RBFOX1: variants seen among roughly 807,000 people sequenced by gnomAD.
RBFOX1 encodes RNA binding protein fox-1 homolog 1.
RBFOX1 carries 8 observed loss-of-function variants against 57.7 expected under a neutral mutation model. That is an observed-to-expected ratio of 0.14 (90% confidence interval 0.08 to 0.25). The LOEUF (loss-of-function observed/expected upper bound fraction) is 0.25, where lower values mean the gene tolerates loss of function less well. RBFOX1 is among the 10% of genes least tolerant of loss of function. The probability of loss-of-function intolerance (pLI) is 1.00; values close to 1 mark genes in which losing one functional copy is unlikely to be tolerated. For synonymous variants in RBFOX1, 326 were observed against 222.4 expected (o/e 1.47, Z -4.15); for missense variants, 611 against 548.5 (o/e 1.11, Z -1.14).
At chr16:7,283,099 C>G (rs2095579821) in intron 4 of RBFOX1, among the ~76,000 whole-genome samples, 1 of 152,008 alleles carries the variant, frequency 6.6e-6, no homozygotes, top group African/African-American at 2.4e-5. Flanking sequence ...GACTTTTTTT[C>G]CTCTGGGTAG....
At chr16:5,658,273 C>T (rs1000636673) in intron 3 of RBFOX1, among the ~76,000 whole-genome samples, 1 of 152,154 alleles carries the variant, frequency 6.6e-6, no homozygotes, top group African/African-American at 2.4e-5. Flanking sequence ...AGACTGGAGA[C>T]ATCAGGATTG....
intron 3 of RBFOX1, among the ~76,000 whole-genome samples, chr16:5,670,248 CAGAT>C (rs1394235243): frequency 1.3e-5 from 2 of 152,132 alleles, no homozygotes; most frequent in African/African-American, 2.4e-5. Context: ...GTTCTGGACT[CAGAT>C]AGCGATGATG....
intron 2 of RBFOX1, among the ~76,000 whole-genome samples, chr16:6,621,770 A>T (rs1292282030): frequency 1.3e-5 from 2 of 152,236 alleles, no homozygotes; most frequent in Non-Finnish European, 2.9e-5. Flanking sequence ...TAATCACTGC[A>T]GCTAGAAGGA....
chr16:6,296,552 C>T (rs2078137348), intron 1 of RBFOX1, among the ~76,000 whole-genome samples: 1 of 151,938 alleles, frequency 6.6e-6, no homozygotes, highest in South Asian at 2.1e-4. Context: ...TCCCGTGTAG[C>T]TGGGACTACA....
chr16:6,888,448 C>T (rs2064649586), intron 3 of RBFOX1, among the ~76,000 whole-genome samples: 1 of 152,152 alleles, frequency 6.6e-6, no homozygotes, highest in African/African-American at 2.4e-5. Context: ...TATATAGTCA[C>T]TTACTGTCTT....
At chr16:5,464,940 A>T (rs2068906793) in intron 1 of RBFOX1, among the ~76,000 whole-genome samples, 1 of 152,094 alleles carries the variant, frequency 6.6e-6, no homozygotes, top group Admixed American at 6.5e-5. Flanking sequence ...CACCTCCTTT[A>T]GGAGCTTGAG....
At chr16:7,469,697 A>C (rs978925495) in intron 4 of RBFOX1, among the ~76,000 whole-genome samples, 15 of 152,176 alleles carry the variant, frequency 9.9e-5, no homozygotes, top group African/African-American at 3.1e-4. Context: ...TTGAACATGG[A>C]AATTTCCCCT....
Position 6,752,384 on chromosome 16 carries a change from G to A in RBFOX1, c.-16+97734G>A, listed in dbSNP as rs75827105. On this transcript the variant is annotated intron_variant, in intron 3 of 15. Transcript: ENST00000550418. Reference sequence around the variant, plus strand: ...ATGCTGTGTCCATATGAGTAAAGTAGAGAGAATGAAGCAAGAAATTGGCCA... The same window carrying A: ...ATGCTGTGTCCATATGAGTAAAGTAAAGAGAATGAAGCAAGAAATTGGCCA... Among the ~76,000 whole-genome samples the A allele has an allele frequency of 5.8e-3, 876 of 152,278 alleles. 46 individuals are homozygous for A. The East Asian group carries it at 0.13, about 23-fold the overall frequency.
intron 13 of RBFOX1, among the ~76,000 whole-genome samples, chr16:7,672,882 A>AAAAAAAAAAAAAAAC (rs1412643856): frequency 6.7e-6 from 1 of 149,958 alleles, no homozygotes; most frequent in African/African-American, 2.4e-5. Context: ...AAAAAAAAAA[A>AAAAAAAAAAAAAAAC]AAAAAAGAAC....
intron 2 of RBFOX1, among the ~76,000 whole-genome samples, chr16:6,479,527 G>T (rs2095336553): frequency 6.6e-6 from 1 of 151,888 alleles, no homozygotes; most frequent in African/African-American, 2.4e-5. Flanking sequence ...AGCAGAAGTT[G>T]CAGTGAGCTG....
chr16:6,511,876 G>T (rs958198359), intron 2 of RBFOX1, among the ~76,000 whole-genome samples: 1 of 152,120 alleles, frequency 6.6e-6, no homozygotes, highest in Non-Finnish European at 1.5e-5. Context: ...TAGGAAACCA[G>T]TGCCTGTGCA....
intron 3 of RBFOX1, among the ~76,000 whole-genome samples, chr16:5,614,397 C>T (rs190288165): frequency 6.6e-6 from 1 of 152,136 alleles, no homozygotes; most frequent in African/African-American, 2.4e-5. Context: ...ATGGGGATTT[C>T]ATAAACATTA....
intron 3 of RBFOX1, among the ~76,000 whole-genome samples, chr16:6,928,576 C>T (rs1016842634): frequency 6.6e-6 from 1 of 152,076 alleles, no homozygotes; most frequent in African/African-American, 2.4e-5. Flanking sequence ...ATTATAAATT[C>T]CTTGGGATCA....
At chr16:7,561,406 A>G (rs2090334333) in intron 5 of RBFOX1, among the ~76,000 whole-genome samples, 1 of 152,216 alleles carries the variant, frequency 6.6e-6, no homozygotes, top group South Asian at 2.1e-4. Context: ...TTTTCAGAGT[A>G]TATTTCTTAG....
At chr16:7,638,126 C>G (rs554992518) in intron 11 of RBFOX1, among the ~76,000 whole-genome samples, 7 of 152,242 alleles carry the variant, frequency 4.6e-5, no homozygotes, top group African/African-American at 1.7e-4. Flanking sequence ...CACTTAAGTT[C>G]TGCAACGACA....
intron 1 of RBFOX1, among the ~76,000 whole-genome samples, chr16:5,416,314 G>T (rs924288911): frequency 9.1e-4 from 139 of 152,304 alleles, no homozygotes; most frequent in African/African-American, 3.2e-3. Flanking sequence ...CACAGATCCT[G>T]ACTCCAGAGT....
intron 1 of RBFOX1, among the ~76,000 whole-genome samples, chr16:5,398,435 ATGCTTG>A (rs2066623858): frequency 6.6e-6 from 1 of 151,582 alleles, no homozygotes; most frequent in Admixed American, 6.6e-5. Context: ...GTACGTGTGT[ATGCTTG>A]TGCTTGTGTG....
chr16:7,151,446 C>G (rs929801424), intron 4 of RBFOX1, among the ~76,000 whole-genome samples: 1 of 152,062 alleles, frequency 6.6e-6, no homozygotes, highest in Non-Finnish European at 1.5e-5. Context: ...TTTACTTGTT[C>G]GTCATCCTTC....
intron 2 of RBFOX1, among the ~76,000 whole-genome samples, chr16:5,543,822 T>A (rs964994726): frequency 4.6e-5 from 7 of 152,068 alleles, no homozygotes; most frequent in African/African-American, 1.7e-4. Context: ...GCCACAAAGA[T>A]AAGGGTGACA....
Sources: gnomAD v4.1 joint callset for allele counts (sites outside exome capture counted in the v4.1 genomes callset) on GRCh38, gnomAD v4.1.1 for gene constraint, MANE v1.5 for transcripts, NCBI Gene and HGNC (gene_info 2026-07-23, HGNC 2026-07-21) for gene names.